MORC3: variants seen among roughly 807,000 people sequenced by gnomAD.
MORC3 encodes the protein MORC family CW-type zinc finger 3.
MORC3 carries 31 observed loss-of-function variants against 109.1 expected under a neutral mutation model. That is an observed-to-expected ratio of 0.28 (90% CI 0.21 to 0.38). MORC3 has a LOEUF of 0.38. Ranked by LOEUF, MORC3 falls within the 10% of genes least tolerant of loss-of-function variation. The pLI is 1.00. For missense variants in MORC3, 867 were observed against 1,135.8 expected, an observed-to-expected ratio of 0.76 and a Z score of 3.40; for synonymous variants, 395 against 380.7, an observed-to-expected ratio of 1.04 and a Z score of -0.44.
intron 1 of MORC3, among the ~76,000 whole-genome samples, chr21:36,331,823 T>A (rs2085318500): frequency 6.6e-6 from 1 of 152,030 alleles, no homozygotes; most frequent in Admixed American, 6.5e-5. Flanking sequence ...CAAGTTAAAG[T>A]TTTATTGAGC....
rs2085926341 is a variant in MORC3 at position 36,376,076 on chromosome 21, T to C, written c.*780T>C. 6.6e-6 allele frequency: 1 copy of C among 152,394 alleles called. No homozygotes were observed. The highest frequency in any genetic ancestry group is 6.5e-5 in the Admixed American group (1 of 15,270). 9.4% of individuals were successfully genotyped at this position (152,394 alleles called of 1,614,324 possible). ...TTTTAATATTTCTTTTTGTGAAATT[T>C]CCTGTACAGCCTTTTGTAGGATTAC... On this transcript the variant is annotated 3_prime_UTR_variant, in exon 17 of 17. Transcript: ENST00000400485.
At chr21:36,329,884 C>T (rs994951958) in intron 1 of MORC3, among the ~76,000 whole-genome samples, 4 of 150,640 alleles carry the variant, frequency 2.7e-5, no homozygotes, top group Non-Finnish European at 2.9e-5. Context: ...GTTTTTGAGA[C>T]GGAGTTTCGC....
At chr21:36,342,735 T>C (rs191540292) in intron 6 of MORC3, among the ~76,000 whole-genome samples, 315 of 151,730 alleles carry the variant, frequency 2.1e-3, no homozygotes, top group African/African-American at 7.0e-3. Flanking sequence ...TTAAAAGAAA[T>C]GGGCTAGGCA....
At chr21:36,362,150 A>G in intron 12 of MORC3, 33 bp from the exon 13 acceptor site, 1 of 1,607,522 alleles carries the variant, frequency 6.2e-7, no homozygotes, top group Non-Finnish European at 8.5e-7. Context: ...GGGATTGAGA[A>G]ATAACAACAT....
At chr21:36,320,450 G>A in intron 1 of MORC3, 147 bp downstream of exon 1, 1 of 709,806 alleles carries the variant, frequency 1.4e-6, no homozygotes, top group Non-Finnish European at 1.9e-6. Context: ...CGGCCATCTC[G>A]CTCCCGTCGG....
At chr21:36,341,919 A>G (rs768810261) in intron 6 of MORC3, among the ~76,000 whole-genome samples, 2 of 152,214 alleles carry the variant, frequency 1.3e-5, no homozygotes, top group African/African-American at 2.4e-5. Context: ...CAACAAATTC[A>G]AAGTCTTATT....
intron 1 of MORC3, among the ~76,000 whole-genome samples, chr21:36,328,766 T>G (rs1266431942): frequency 6.6e-6 from 1 of 152,094 alleles, no homozygotes; most frequent in Non-Finnish European, 1.5e-5. Context: ...TGTGAGCCAC[T>G]GGGCCCAGTC....
intron 2 of MORC3, among the ~76,000 whole-genome samples, chr21:36,336,092 ATTTTTTTT>A (rs71326676): frequency 2.2e-5 from 3 of 137,744 alleles, no homozygotes; most frequent in Non-Finnish European, 3.2e-5. Context: ...TGCCTGGCTA[ATTTTTTTT>A]TTTTTTTTTT....
intron 9 of MORC3, among the ~76,000 whole-genome samples, chr21:36,356,211 TAC>T (rs2085643581): frequency 6.6e-6 from 1 of 152,228 alleles, no homozygotes; most frequent in Admixed American, 6.5e-5. Context: ...TGAAACCACC[TAC>T]AGTCTGTATA....
chr21:36,338,783 T>C lies in MORC3; in HGVS notation c.470T>C (p.Ile157Thr). Residue 157 changes from isoleucine (I) to threonine (T), a missense_variant, in exon 5 of 17, where the codon ATT becomes ACT. By Grantham distance (89) the Ile-to-Thr change is moderately conservative (BLOSUM62 -1). Around this residue, in one of 7 missense-constraint regions of MORC3, gnomAD observed 134 missense variants for 166.6 expected, o/e 0.80. Transcript: ENST00000400485. The stretch of plus-strand genomic sequence containing the variant: ...TTAACTTATGATATACGACAGATGA[T>C]TAATTTAGCAGAATCAAAAGCCAGC... Reference protein sequence around the residue: ...IVAFNKHRQMINLAESKASLA... With the variant: ...IVAFNKHRQMTNLAESKASLA... 1 of 1,613,168 alleles carries C rather than the reference T, an allele frequency of 6.2e-7. No individual in the cohort carries two copies. Among genetic ancestry groups the C allele is most frequent in the Admixed American group, 1.7e-5 (1 of 59,978 alleles).
intron 8 of MORC3, 45 bp from the exon 9 acceptor site, chr21:36,349,266 A>G: frequency 7.8e-7 from 1 of 1,284,476 alleles, no homozygotes. Flanking sequence ...TATTTTGAGC[A>G]TCATGTCTTA....
At chr21:36,370,235 G>C (rs1280893319) in intron 15 of MORC3, among the ~76,000 whole-genome samples, 1 of 152,102 alleles carries the variant, frequency 6.6e-6, no homozygotes, top group African/African-American at 2.4e-5. Context: ...TGCTTGATTG[G>C]AATGCTTTCA....
intron 8 of MORC3, among the ~76,000 whole-genome samples, chr21:36,347,007 T>TAAA (rs754081259): frequency 8.8e-5 from 10 of 113,678 alleles, no homozygotes; most frequent in Middle Eastern, 4.3e-3. Flanking sequence ...CCCTGTCTCT[T>TAAA]AAAAAAAAAA....
At chr21:36,327,697 A>T (rs757464373) in intron 1 of MORC3, among the ~76,000 whole-genome samples, 2 of 151,222 alleles carry the variant, frequency 1.3e-5, no homozygotes, top group Non-Finnish European at 2.9e-5. Context: ...ATACCAGTTG[A>T]TGACTGAAAC....
At chr21:36,346,179 C>G (rs145821200) in intron 8 of MORC3, among the ~76,000 whole-genome samples, 120 of 152,236 alleles carry the variant, frequency 7.9e-4, no homozygotes, top group African/African-American at 2.6e-3. Context: ...TGCCGCTATG[C>G]CAGGCCAAAT....
rs897952920 is a variant in MORC3, at chr21:36,320,200, G to A, written c.-65G>A. 37 of 1,549,390 alleles carry A rather than the reference G, an allele frequency of 2.4e-5. No homozygotes were observed. The Admixed American group carries it at 4.7e-4, about 20-fold the overall frequency. On this transcript the variant is annotated 5_prime_UTR_variant, in exon 1 of 17. Transcript: ENST00000400485. ...TGGGCGGTACCCATAGGGCTCCACAGTCGTTCCGCCACCTCCCAGTCGGGT... is the reference window on the plus strand; with the variant it reads ...TGGGCGGTACCCATAGGGCTCCACAATCGTTCCGCCACCTCCCAGTCGGGT...
intron 8 of MORC3, among the ~76,000 whole-genome samples, chr21:36,347,264 G>A (rs567988455): frequency 3.9e-5 from 6 of 152,314 alleles, no homozygotes; most frequent in African/African-American, 1.4e-4. Flanking sequence ...CAGGGGTTCT[G>A]ACTCTGCTTC....
At chr21:36,337,276 G>C (rs1233431227) in intron 3 of MORC3, among the ~76,000 whole-genome samples, 1 of 152,094 alleles carries the variant, frequency 6.6e-6, no homozygotes, top group African/African-American at 2.4e-5. Context: ...GATAACTTTA[G>C]TGTAAATTAG....
intron 4 of MORC3, 92 bp from the exon 5 acceptor site, chr21:36,338,682 A>T: frequency 8.4e-7 from 1 of 1,196,788 alleles, no homozygotes; most frequent in Non-Finnish European, 1.1e-6. Flanking sequence ...ATTTATAAAT[A>T]GTTTTTCTGT....
Sources: allele counts gnomAD v4.1 joint callset (sites outside exome capture counted in the v4.1 genomes callset), GRCh38; gene constraint gnomAD v4.1.1; regional missense constraint gnomAD v4.1.1; transcripts MANE v1.5; gene names NCBI Gene and HGNC (gene_info 2026-07-23, HGNC 2026-07-21).